FHIT: variants seen among roughly 807,000 people sequenced by gnomAD.
FHIT encodes fragile histidine triad diadenosine triphosphatase, also known as bis(5'-adenosyl)-triphosphatase.
In FHIT, 19 loss-of-function variants were observed where a neutral mutation model predicts 17.9. The observed-to-expected ratio is 1.06, with a 90% CI of 0.74 to 1.56. The LOEUF is 1.56. Ranked by LOEUF, FHIT falls within the 40% of genes most tolerant of loss-of-function variation. FHIT has a pLI of 0.00. For missense variants in FHIT, 248 were observed against 189.2 expected (o/e 1.31, Z -1.82); for synonymous variants, 81 against 69.7 (o/e 1.16, Z -0.81).
intron 8 of FHIT, among the ~76,000 whole-genome samples, chr3:59,837,814 C>T (rs969541576): frequency 6.6e-6 from 1 of 152,114 alleles, no homozygotes; most frequent in African/African-American, 2.4e-5. Context: ...CAAAACCTCT[C>T]TGCACTGTTT....
At chr3:61,155,268 A>G (rs1402257633) in intron 2 of FHIT, among the ~76,000 whole-genome samples, 1 of 152,220 alleles carries the variant, frequency 6.6e-6, no homozygotes, top group Non-Finnish European at 1.5e-5. Context: ...CAGAGATTCA[A>G]TGTGGTGCTG....
intron 4 of FHIT, among the ~76,000 whole-genome samples, chr3:60,687,612 C>T (rs1263772994): frequency 1.3e-5 from 2 of 151,950 alleles, no homozygotes; most frequent in African/African-American, 4.8e-5. Context: ...CTAAATGCTT[C>T]ATGGCTCCTT....
chr3:60,908,531 T>C (rs910848998), intron 3 of FHIT, among the ~76,000 whole-genome samples: 1 of 151,698 alleles, frequency 6.6e-6, no homozygotes, highest in Non-Finnish European at 1.5e-5. Context: ...TCACCAACAG[T>C]ATCTAGAAAA....
chr3:61,199,541 AT>A (rs35557543), intron 2 of FHIT, among the ~76,000 whole-genome samples: 34,342 of 151,998 alleles, frequency 0.23, 4,249 homozygotes, highest in East Asian at 0.42. Flanking sequence ...AGAAAAGAGG[AT>A]TTTTTTATAA....
intron 7 of FHIT, among the ~76,000 whole-genome samples, chr3:59,978,877 G>T (rs1708528354): frequency 6.6e-6 from 1 of 151,742 alleles, no homozygotes; most frequent in African/African-American, 2.4e-5. Context: ...CAGTACACCA[G>T]GTTACTGCTT....
chr3:61,130,428 G>T (rs73112339), intron 2 of FHIT, among the ~76,000 whole-genome samples: 24,732 of 152,120 alleles, frequency 0.16, 2,658 homozygotes, highest in Middle Eastern at 0.24. Flanking sequence ...CAAAGATTCA[G>T]CAATTCTGAA....
At chr3:60,358,318 G>T (rs1221357117) in intron 5 of FHIT, among the ~76,000 whole-genome samples, 1 of 152,156 alleles carries the variant, frequency 6.6e-6, no homozygotes, top group Non-Finnish European at 1.5e-5. Flanking sequence ...GTATTTGGCT[G>T]AGAAGTTTCC....
intron 5 of FHIT, among the ~76,000 whole-genome samples, chr3:60,112,244 G>A (rs2107182685): frequency 6.6e-6 from 1 of 152,198 alleles, no homozygotes; most frequent in South Asian, 2.1e-4. Flanking sequence ...CTTCAGTAAG[G>A]ACTCCCAGAA....
At chr3:60,291,976 G>T (rs1708004870) in intron 5 of FHIT, among the ~76,000 whole-genome samples, 1 of 152,134 alleles carries the variant, frequency 6.6e-6, no homozygotes, top group Non-Finnish European at 1.5e-5. Flanking sequence ...CCAGAACTGT[G>T]AGATGATAGA....
rs1209778746 is a variant in FHIT at position 59,878,442 on chromosome 3, TCTAA to T, written c.348+43900_348+43903del. On this transcript the variant is annotated intron_variant, in intron 8 of 9. Transcript: ENST00000492590. ...GGGTTTGTCACAGGTTGTTATGGGC[TCTAA>T]CTAACAGCTGTCCACTGCACTGAGA... 2.6e-5 allele frequency among the ~76,000 whole-genome samples: 4 copies of T among 152,296 alleles called. No homozygotes were observed. In the East Asian group the frequency reaches 7.7e-4, roughly 29 times the overall value.
chr3:60,757,580 A>T (rs530873447), intron 4 of FHIT, among the ~76,000 whole-genome samples: 18 of 152,318 alleles, frequency 1.2e-4, no homozygotes, highest in Non-Finnish European at 2.1e-4. Context: ...AGAGCCGGTG[A>T]GGACACTGAA....
At chr3:60,748,010 A>G (rs1308083411) in intron 4 of FHIT, among the ~76,000 whole-genome samples, 1 of 152,196 alleles carries the variant, frequency 6.6e-6, no homozygotes, top group Admixed American at 6.5e-5. Context: ...TATTATAGGA[A>G]TGCTAAGGAT....
intron 3 of FHIT, among the ~76,000 whole-genome samples, chr3:60,967,389 A>G (rs1709795490): frequency 6.6e-6 from 1 of 152,248 alleles, no homozygotes; most frequent in South Asian, 2.1e-4. Context: ...ACTTTGGTGT[A>G]TTGACTGCCT....
At chr3:60,501,928 C>G (rs1458941454) in intron 5 of FHIT, among the ~76,000 whole-genome samples, 1 of 152,152 alleles carries the variant, frequency 6.6e-6, no homozygotes, top group African/African-American at 2.4e-5. Flanking sequence ...TCTTTGCCAT[C>G]CAGGCGGTTC....
chr3:61,224,872 A>G (rs980691001), intron 1 of FHIT, among the ~76,000 whole-genome samples: 1 of 152,238 alleles, frequency 6.6e-6, no homozygotes, highest in Non-Finnish European at 1.5e-5. Context: ...ACACACATAT[A>G]TATATACATA....
At chr3:60,044,309 G>A (rs116395475) in intron 5 of FHIT, among the ~76,000 whole-genome samples, 77 of 152,228 alleles carry the variant, frequency 5.1e-4, no homozygotes, top group African/African-American at 1.7e-3. Flanking sequence ...TTGATTAACC[G>A]TTACCCATTA....
chr3:60,772,737 C>A (rs1335376123), intron 4 of FHIT, among the ~76,000 whole-genome samples: 1 of 152,126 alleles, frequency 6.6e-6, no homozygotes, highest in Non-Finnish European at 1.5e-5. Context: ...ACAAGATTTG[C>A]AACTTCCCTA....
chr3:60,772,338 A>C (rs1299896770), intron 4 of FHIT, among the ~76,000 whole-genome samples: 10 of 37,144 alleles, frequency 2.7e-4, no homozygotes, highest in African/African-American at 1.0e-3. Context: ...ATATATATAT[A>C]TATATATATA....
At chr3:60,681,631 A>G (rs1222482450) in intron 4 of FHIT, among the ~76,000 whole-genome samples, 1 of 152,196 alleles carries the variant, frequency 6.6e-6, no homozygotes, top group Admixed American at 6.5e-5. Flanking sequence ...GTGCTACTCC[A>G]ATGAACATAC....
Sources: gnomAD v4.1 joint callset for allele counts (sites outside exome capture counted in the v4.1 genomes callset) on GRCh38, gnomAD v4.1.1 for gene constraint, MANE v1.5 for transcripts, NCBI Gene and HGNC (gene_info 2026-07-23, HGNC 2026-07-21) for gene names.